Variants in AGMO observed in about 807,000 individuals in gnomAD.
AGMO encodes alkylglycerol monooxygenase.
A neutral mutation model predicts 60.2 loss-of-function variants in AGMO; 75 were observed. That is an observed-to-expected ratio of 1.25 (90% confidence interval 1.03 to 1.51). AGMO has a LOEUF of 1.51. Ranked by LOEUF, AGMO falls within the 40% of genes most tolerant of loss-of-function variation. The pLI is 0.00. For synonymous variants in AGMO, 261 were observed against 177.1 expected, an observed-to-expected ratio of 1.47 and a Z score of -3.76; for missense variants, 763 against 525.5, an observed-to-expected ratio of 1.45 and a Z score of -4.42.
At chr7:15,344,259 T>C (rs1425348884) in intron 12 of AGMO, among the ~76,000 whole-genome samples, 1 of 152,208 alleles carries the variant, frequency 6.6e-6, no homozygotes, top group Admixed American at 6.5e-5. Flanking sequence ...TATGTACCAA[T>C]TTCTTTAAAA....
the AGMO span, among the ~76,000 whole-genome samples, chr7:15,145,956 A>G: frequency 6.6e-6 from 1 of 152,158 alleles, no homozygotes; most frequent in Non-Finnish European, 1.5e-5. Flanking sequence ...AGCGGAAGGT[A>G]TTTGATTGTT....
At chr7:15,276,891 CTT>C (rs34137663) in intron 12 of AGMO, among the ~76,000 whole-genome samples, 186 of 139,326 alleles carry the variant, frequency 1.3e-3, no homozygotes, top group Middle Eastern at 3.7e-3. Context: ...GCCATTTTTC[CTT>C]TTTTTTTTTT....
chr7:15,368,512 G>T (rs1328717079), intron 10 of AGMO, among the ~76,000 whole-genome samples: 1 of 152,040 alleles, frequency 6.6e-6, no homozygotes, highest in Admixed American at 6.6e-5. Flanking sequence ...GTAAACATGA[G>T]CAAATTATTT....
chr7:15,133,748 G>C, the AGMO span, among the ~76,000 whole-genome samples: 3 of 152,068 alleles, frequency 2.0e-5, no homozygotes, highest in African/African-American at 7.2e-5. Context: ...TGTTACACCA[G>C]AATCCAACAT....
chr7:15,207,661 G>C (rs561639445), intron 12 of AGMO, among the ~76,000 whole-genome samples: 1 of 152,170 alleles, frequency 6.6e-6, no homozygotes, highest in Non-Finnish European at 1.5e-5. Flanking sequence ...TAGGCCGGGC[G>C]TGGTGGCTCA....
intron 10 of AGMO, among the ~76,000 whole-genome samples, chr7:15,366,811 G>T (rs143095054): frequency 0.01 from 1,594 of 152,006 alleles, 36 homozygotes; most frequent in African/African-American, 0.037. Flanking sequence ...GCAGAGTTTT[G>T]TAAACTAAAT....
At chr7:15,247,196 G>C (rs142188443) in intron 12 of AGMO, among the ~76,000 whole-genome samples, 195 of 151,816 alleles carry the variant, frequency 1.3e-3, no homozygotes, top group African/African-American at 4.3e-3. Context: ...CAACAGTAGA[G>C]AAAGATGTTT....
chr7:15,228,851 G>C (rs559926040), intron 12 of AGMO, among the ~76,000 whole-genome samples: 1 of 152,170 alleles, frequency 6.6e-6, no homozygotes, highest in African/African-American at 2.4e-5. Flanking sequence ...GTAAATTTAA[G>C]GGACAAGAAT....
chr7:15,497,693 T>C (rs1005736201), intron 3 of AGMO, among the ~76,000 whole-genome samples: 1 of 152,088 alleles, frequency 6.6e-6, no homozygotes, highest in Non-Finnish European at 1.5e-5. Flanking sequence ...TAAAATCATA[T>C]ATTTATTATT....
intron 3 of AGMO, among the ~76,000 whole-genome samples, chr7:15,489,545 C>T (rs1783014736): frequency 6.6e-6 from 1 of 152,148 alleles, no homozygotes; most frequent in African/African-American, 2.4e-5. Flanking sequence ...ATGGAGCTCC[C>T]ACTAACAGGG....
At chr7:15,278,333 G>A (rs1258801179) in intron 12 of AGMO, among the ~76,000 whole-genome samples, 1 of 152,158 alleles carries the variant, frequency 6.6e-6, no homozygotes, top group African/African-American at 2.4e-5. Flanking sequence ...AGGACCCGGG[G>A]AGAGTGGTCA....
intron 2 of AGMO, among the ~76,000 whole-genome samples, chr7:15,553,550 G>T (rs1456936387): frequency 6.6e-6 from 1 of 151,548 alleles, no homozygotes; most frequent in Non-Finnish European, 1.5e-5. Flanking sequence ...ATTAAACAGG[G>T]CAAATGCCAC....
intron 5 of AGMO, 129 bp downstream of exon 5, chr7:15,418,429 C>T: frequency 6.5e-6 from 4 of 617,672 alleles, no homozygotes; most frequent in Non-Finnish European, 1.1e-5. Flanking sequence ...TAAAAATGAA[C>T]AGATGTTTCT....
chr7:15,330,875 A>G (rs1024261681), intron 12 of AGMO, among the ~76,000 whole-genome samples: 5 of 152,020 alleles, frequency 3.3e-5, no homozygotes, highest in Admixed American at 2.0e-4. Flanking sequence ...TTAATGATCT[A>G]TATTTTATGG....
intron 12 of AGMO, among the ~76,000 whole-genome samples, chr7:15,226,946 G>A (rs1405709906): frequency 6.6e-6 from 1 of 152,106 alleles, no homozygotes; most frequent in Non-Finnish European, 1.5e-5. Flanking sequence ...CCACCTATAA[G>A]AGAAAAGAAG....
chr7:15,422,489 A>G (rs1410271607), intron 4 of AGMO, among the ~76,000 whole-genome samples: 1 of 152,156 alleles, frequency 6.6e-6, no homozygotes, highest in Non-Finnish European at 1.5e-5. Context: ...ATGCATGTTC[A>G]CTTGTGAGTT....
intron 3 of AGMO, among the ~76,000 whole-genome samples, chr7:15,450,142 CG>C (rs1781818876): frequency 6.6e-6 from 1 of 152,028 alleles, no homozygotes; most frequent in Admixed American, 6.6e-5. Context: ...ATTTCAGGGC[CG>C]GGCGCGGTGG....
At chr7:15,204,944 C>T (rs895124723) in intron 12 of AGMO, among the ~76,000 whole-genome samples, 1 of 152,174 alleles carries the variant, frequency 6.6e-6, no homozygotes, top group Non-Finnish European at 1.5e-5. Flanking sequence ...CCTCCCATCT[C>T]AGCCTCCCTA....
intron 3 of AGMO, among the ~76,000 whole-genome samples, chr7:15,528,162 T>C (rs1424312074): frequency 6.6e-6 from 1 of 152,160 alleles, no homozygotes; most frequent in African/African-American, 2.4e-5. Flanking sequence ...TGGATGGATA[T>C]GATTTATTGA....
Sources: allele counts gnomAD v4.1 joint callset (sites outside exome capture counted in the v4.1 genomes callset), GRCh38; gene constraint gnomAD v4.1.1; transcripts MANE v1.5; gene names NCBI Gene and HGNC (gene_info 2026-07-23, HGNC 2026-07-21).